Variants in AK7 observed in about 807,000 individuals in gnomAD.
The protein encoded by AK7 is adenylate kinase 7.
A neutral mutation model predicts 96.6 loss-of-function variants in AK7; 78 were observed. The ratio of observed to expected loss-of-function variants is 0.81; its 90% confidence interval spans 0.67 to 0.97. The LOEUF is 0.97. AK7 is among the 50% of genes least tolerant of loss of function. AK7 has a pLI of 0.00. For synonymous variants in AK7, 302 were observed against 317.2 expected (o/e 0.95, Z 0.51); for missense variants, 855 against 887.9 (o/e 0.96, Z 0.47).
At chr14:96,434,040 G>T (rs1393249386) in intron 5 of AK7, among the ~76,000 whole-genome samples, 5 of 152,152 alleles carry the variant, frequency 3.3e-5, no homozygotes, top group African/African-American at 1.2e-4. Context: ...GCTCTGCTTT[G>T]CCAGGATTGA....
At chr14:96,449,030 G>A (rs1893418071) in intron 8 of AK7, among the ~76,000 whole-genome samples, 1 of 151,990 alleles carries the variant, frequency 6.6e-6, no homozygotes, top group Non-Finnish European at 1.5e-5. Context: ...CTGCTTTTTG[G>A]CTTTATAGAT....
chr14:96,409,372 G>A (rs1890907071), intron 4 of AK7, among the ~76,000 whole-genome samples: 1 of 152,208 alleles, frequency 6.6e-6, no homozygotes, highest in Non-Finnish European at 1.5e-5. Context: ...AGGAGTTTGA[G>A]ACCAGCCTGG....
chr14:96,431,081 C>T (rs1042890123), intron 5 of AK7, among the ~76,000 whole-genome samples: 3 of 152,096 alleles, frequency 2.0e-5, no homozygotes, highest in Non-Finnish European at 4.4e-5. Context: ...TGGTAGTTTG[C>T]ATTTTTGTGG....
chr14:96,456,068 G>A lies in AK7; in HGVS notation c.1099-279G>A, dbSNP rs995225846. ...AGCCTGGCCAACATGGAGAAAACCCGTCTCTACAAAAAATACAAAAATTAG... is the reference window on the plus strand; with the variant it reads ...AGCCTGGCCAACATGGAGAAAACCCATCTCTACAAAAAATACAAAAATTAG... On this transcript the variant is annotated intron_variant, in intron 10 of 17. Transcript: ENST00000267584. Among the ~76,000 whole-genome samples the A allele has an allele frequency of 8.6e-5, 13 of 151,944 alleles. 1 individual carries two copies. Among genetic ancestry groups the A allele is most frequent in the African/African-American group, 1.9e-4 (8 of 41,444 alleles).
At chr14:96,438,313 G>A (rs1445500774) in intron 6 of AK7, among the ~76,000 whole-genome samples, 1 of 152,138 alleles carries the variant, frequency 6.6e-6, no homozygotes, top group Admixed American at 6.6e-5. Context: ...GTTGAAACAG[G>A]GTATGGAAAA....
intron 3 of AK7, chr14:96,405,136 G>A (rs1188220784): frequency 1.6e-5 from 3 of 192,220 alleles, no homozygotes; most frequent in African/African-American, 4.6e-5. Context: ...ATTGAGCCCA[G>A]GAGTTCAAGA....
chr14:96,398,534 T>C (rs1008406661), intron 2 of AK7: 7 of 458,566 alleles, frequency 1.5e-5, no homozygotes, highest in Non-Finnish European at 2.8e-5. Context: ...CTCTTCAGCA[T>C]ATTCTGCCTT....
chr14:96,441,419 A>T (rs911178872), intron 6 of AK7, among the ~76,000 whole-genome samples: 1 of 151,538 alleles, frequency 6.6e-6, no homozygotes, highest in Non-Finnish European at 1.5e-5. Flanking sequence ...CGGGTAGATC[A>T]CCTGAGGTCA....
intron 3 of AK7, among the ~76,000 whole-genome samples, chr14:96,407,586 T>C (rs956894456): frequency 2.1e-5 from 3 of 146,102 alleles, no homozygotes; most frequent in African/African-American, 7.5e-5. Flanking sequence ...TTTTCTTTTT[T>C]TTTTTTTTTT....
intron 10 of AK7, among the ~76,000 whole-genome samples, chr14:96,454,561 T>C (rs1052613858): frequency 1.3e-5 from 2 of 152,070 alleles, no homozygotes; most frequent in Non-Finnish European, 2.9e-5. Context: ...CACTGCAGCC[T>C]AGACCCTCCT....
chr14:96,446,086 T>C lies in AK7; in HGVS notation c.780-431T>C, dbSNP rs554778000. ...AAGAGCCACAGCTTGTCTAAATCTG[T>C]GTCTTACTTTGTAAAATACCTCCCT... On this transcript the variant is annotated intron_variant, in intron 7 of 17. Transcript: ENST00000267584. 1.3e-3 allele frequency among the ~76,000 whole-genome samples: 200 copies of C among 152,334 alleles called. 1 individual carries two copies. The highest frequency in any genetic ancestry group is 4.5e-3 in the African/African-American group (188 of 41,566).
At chr14:96,426,166 T>C (rs2140055135) in intron 5 of AK7, among the ~76,000 whole-genome samples, 1 of 152,326 alleles carries the variant, frequency 6.6e-6, no homozygotes, top group East Asian at 1.9e-4. Context: ...GCTTTTTATT[T>C]TTTGTGCAAC....
At chr14:96,398,663 C>T (rs1180245938) in intron 2 of AK7, 1 of 210,762 alleles carries the variant, frequency 4.7e-6, no homozygotes, top group Non-Finnish European at 9.7e-6. Flanking sequence ...GGGAGGATCG[C>T]TTAAGGCCAG....
At chr14:96,481,616 G>C (rs1249977718) in intron 15 of AK7, among the ~76,000 whole-genome samples, 2 of 151,770 alleles carry the variant, frequency 1.3e-5, no homozygotes, top group Non-Finnish European at 2.9e-5. Flanking sequence ...AAAGTTCTGG[G>C]ATTACAGGCG....
chr14:96,435,399 T>C (rs1475900930), intron 5 of AK7, among the ~76,000 whole-genome samples: 1 of 151,884 alleles, frequency 6.6e-6, no homozygotes, highest in African/African-American at 2.4e-5. Flanking sequence ...ACTGAGCTGG[T>C]GTTCTAGATG....
intron 5 of AK7, among the ~76,000 whole-genome samples, chr14:96,422,369 G>C (rs933851490): frequency 1.5e-4 from 23 of 152,194 alleles, no homozygotes; most frequent in African/African-American, 5.1e-4. Context: ...ACAATCCATA[G>C]ATAGGAGACA....
Position 96,471,464 on chromosome 14 carries a change from TG to T in AK7, c.1358-13del, listed in dbSNP as rs565340409. On this transcript the variant is annotated splice_polypyrimidine_tract_variant and intron_variant, in intron 12 of 17. Coordinates refer to ENST00000267584, the MANE Select transcript of AK7 (RefSeq NM_152327.5). Reference sequence around the variant, plus strand: ...ACATTATAAGTAATATATACATATATGTTTTTTTATCAGGTCAACTAGACGA... The same window carrying T: ...ACATTATAAGTAATATATACATATATTTTTTTTATCAGGTCAACTAGACGA... The T allele has an allele frequency of 1.0e-3, 1,400 of 1,347,062 alleles. 12 individuals are homozygous for T. In the African/African-American group the frequency reaches 0.016, roughly 16 times the overall value. 83.4% of individuals were successfully genotyped at this position (1,347,062 alleles called of 1,614,324 possible).
At position 96,464,917 on chromosome 14, in the gene AK7, A is replaced by T. The variant is rs552297526; in HGVS notation, c.1358-6561A>T. Among the ~76,000 whole-genome samples the T allele has an allele frequency of 1.2e-4, 18 of 152,292 alleles. No individual in the cohort carries two copies. In the South Asian group the frequency reaches 3.5e-3, roughly 30 times the overall value. ...TTTATCTGGCCTTTATTCAAGATGG[A>T]GTCACTCCGGTTAGGACAAAGGATA... On this transcript the variant is annotated intron_variant, in intron 12 of 17. Transcript: ENST00000267584.
At chr14:96,469,283 AGCTGAG>A (rs1894751543) in intron 12 of AK7, among the ~76,000 whole-genome samples, 1 of 152,190 alleles carries the variant, frequency 6.6e-6, no homozygotes, top group Non-Finnish European at 1.5e-5. Context: ...CACTTTGGGA[AGCTGAG>A]GCAGGTGGAT....
Sources: gnomAD v4.1 joint callset for allele counts (sites outside exome capture counted in the v4.1 genomes callset) on GRCh38, gnomAD v4.1.1 for gene constraint, MANE v1.5 for transcripts, NCBI Gene and HGNC (gene_info 2026-07-23, HGNC 2026-07-21) for gene names.